Variants in CIB4 observed in about 807,000 individuals in gnomAD.
CIB4 encodes the protein calcium and integrin-binding family member 4.
CIB4 carries 25 observed loss-of-function variants against 25.8 expected under a neutral mutation model. That is an observed-to-expected ratio of 0.97 (90% CI 0.71 to 1.35). The LOEUF (loss-of-function observed/expected upper bound fraction) is 1.35, where lower values mean the gene tolerates loss of function less well. CIB4 is among the 40% of genes most tolerant of loss of function. The probability of loss-of-function intolerance (pLI) is 0.00; values close to 1 mark genes in which losing one functional copy is unlikely to be tolerated. For synonymous variants in CIB4, 75 were observed against 81.4 expected, an observed-to-expected ratio of 0.92 and a Z score of 0.42; for missense variants, 235 against 228.2, an observed-to-expected ratio of 1.03 and a Z score of -0.19.
chr2:26,617,350 T>C (rs1669114412), intron 3 of CIB4, among the ~76,000 whole-genome samples: 1 of 152,176 alleles, frequency 6.6e-6, no homozygotes, highest in South Asian at 2.1e-4. Context: ...CAAACACCCT[T>C]ATTTCCTGTA....
rs1177664447 is a variant in CIB4 at position 26,640,589 on chromosome 2, C to T, written c.55-22G>A. The T allele has an allele frequency of 3.1e-6, 5 of 1,608,776 alleles. No homozygotes were observed. In the Admixed American group the frequency reaches 6.7e-5, roughly 22 times the overall value. ...GGGCCTGCAACAAATCACAGAGAAG[C>T]GACGTGTCCACTCCATTCATCCCTG... is the stretch of plus-strand genomic sequence containing the variant. On this transcript the variant is annotated intron_variant, in intron 1 of 6. Transcript: ENST00000288861.
At chr2:26,619,287 TG>T (rs1669156398) in intron 3 of CIB4, among the ~76,000 whole-genome samples, 1 of 152,118 alleles carries the variant, frequency 6.6e-6, no homozygotes, top group Non-Finnish European at 1.5e-5. Context: ...GCCTGGCTGC[TG>T]GGCGTCCCAG....
At chr2:26,622,737 T>C (rs1245054833) in intron 3 of CIB4, among the ~76,000 whole-genome samples, 29 of 151,948 alleles carry the variant, frequency 1.9e-4, no homozygotes, top group Admixed American at 1.9e-3. Flanking sequence ...AATCCCAGCA[T>C]TTTGGGAGGC....
At chr2:26,601,179 C>T (rs1396024458) in intron 3 of CIB4, among the ~76,000 whole-genome samples, 1 of 145,688 alleles carries the variant, frequency 6.9e-6, no homozygotes, top group Admixed American at 6.9e-5. Context: ...ATGATTGTGC[C>T]ACTGCACTCC....
At chr2:26,592,991 C>T (rs7560683) in intron 4 of CIB4, among the ~76,000 whole-genome samples, 39,151 of 152,114 alleles carry the variant, frequency 0.26, 7,861 homozygotes, top group African/African-American at 0.56. Context: ...CCGGAAGAGA[C>T]TGGCATTTGA....
At chr2:26,632,684 G>A (rs1669444789) in intron 2 of CIB4, among the ~76,000 whole-genome samples, 1 of 151,952 alleles carries the variant, frequency 6.6e-6, no homozygotes, top group Admixed American at 6.6e-5. Flanking sequence ...CTTGAACTCG[G>A]GAGGTAGAGC....
At position 26,627,871 on chromosome 2, in the gene CIB4, C is replaced by T. The variant is rs1457205074; in HGVS notation, c.186+1539G>A. Among the ~76,000 whole-genome samples, 1 of 152,096 alleles carries T rather than the reference C, an allele frequency of 6.6e-6. No homozygotes were observed. Among genetic ancestry groups the T allele is most frequent in the African/African-American group, 2.4e-5 (1 of 41,398 alleles). On this transcript the variant is annotated intron_variant, in intron 3 of 6. Transcript: ENST00000288861. The surrounding 1 kb of genome is among the most constrained non-coding windows in gnomAD (Gnocchi z 4.0). ...GTCTCTGTCTGCCCTACAGATAGGC[C>T]TGTCACTTAGGAGGGGCCGTGCAGC...
At chr2:26,628,231 G>A (rs1426968941) in intron 3 of CIB4, among the ~76,000 whole-genome samples, 1 of 152,212 alleles carries the variant, frequency 6.6e-6, no homozygotes, top group African/African-American at 2.4e-5. Context: ...AGGCTGCCCT[G>A]GGGGAAGGGC....
chr2:26,605,447 T>A, intron 3 of CIB4: 1 of 468,510 alleles, frequency 2.1e-6, no homozygotes, highest in South Asian at 1.6e-5. Flanking sequence ...TGGAAGAGCT[T>A]ATCACCACCC....
intron 2 of CIB4, among the ~76,000 whole-genome samples, chr2:26,630,068 G>A (rs1669387534): frequency 6.6e-6 from 1 of 152,198 alleles, no homozygotes; most frequent in Admixed American, 6.5e-5. Context: ...GCAGATCGTG[G>A]ACTGACTGGT....
chr2:26,626,831 C>T (rs543971430), intron 3 of CIB4, among the ~76,000 whole-genome samples: 9 of 152,212 alleles, frequency 5.9e-5, no homozygotes, highest in African/African-American at 2.2e-4. Context: ...TTGCTGCACC[C>T]CACCCCTAAC....
Position 26,606,502 on chromosome 2 carries a change from C to T in CIB4, c.187-11185G>A, listed in dbSNP as rs139044683. Among the ~76,000 whole-genome samples, 712 of 152,220 alleles carry T rather than the reference C, an allele frequency of 4.7e-3. 2 individuals are homozygous for T. The highest frequency in any genetic ancestry group is 8.3e-3 in the Non-Finnish European group (567 of 68,008). ...GCCAGAGGACTCCCCCCTCCTCCCG[C>T]GCCCCTCAAGCTGTCTCTTTCCCTT... On this transcript the variant is annotated intron_variant, in intron 3 of 6. Coordinates refer to ENST00000288861, the MANE Select transcript of CIB4 (RefSeq NM_001029881.3).
chr2:26,626,764 A>G (rs1391468798), intron 3 of CIB4, among the ~76,000 whole-genome samples: 2 of 152,058 alleles, frequency 1.3e-5, no homozygotes, highest in East Asian at 1.9e-4. Context: ...CACCTAGCCT[A>G]TCTGCTGGGA....
intron 4 of CIB4, among the ~76,000 whole-genome samples, chr2:26,588,390 G>A (rs989551361): frequency 1.3e-5 from 2 of 152,190 alleles, no homozygotes; most frequent in Non-Finnish European, 2.9e-5. Flanking sequence ...TGAGAGCTCC[G>A]GGAGGCTGAC....
At chr2:26,636,257 A>G (rs1297211207) in intron 2 of CIB4, among the ~76,000 whole-genome samples, 1 of 152,212 alleles carries the variant, frequency 6.6e-6, no homozygotes, top group Non-Finnish European at 1.5e-5. Context: ...TGCATTATTC[A>G]AACATTGCTC....
At chr2:26,637,826 G>A (rs1040903901) in intron 2 of CIB4, among the ~76,000 whole-genome samples, 19 of 152,260 alleles carry the variant, frequency 1.2e-4, no homozygotes, top group Middle Eastern at 3.4e-3. Flanking sequence ...ACTCCCCTTG[G>A]TTTAAAGCAG....
At chr2:26,598,031 G>A (rs1234476369) in intron 3 of CIB4, among the ~76,000 whole-genome samples, 3 of 152,086 alleles carry the variant, frequency 2.0e-5, no homozygotes, top group Non-Finnish European at 2.9e-5. Context: ...CGGGCACGGT[G>A]GCTCACGCCT....
In CIB4 at chr2:26,623,163, C is replaced by G. The variant is rs545950757; in HGVS notation, c.186+6247G>C. Among the ~76,000 whole-genome samples the G allele has an allele frequency of 2.1e-4, 32 of 151,800 alleles. No individual in the cohort carries two copies. The South Asian group carries it at 5.8e-3, about 28-fold the overall frequency. ...ATTCAAGACCAACCAGACAACATGA[C>G]AAGACTCCATCTCTATGAAAAACAC... On this transcript the variant is annotated intron_variant, in intron 3 of 6. Transcript: ENST00000288861.
intron 3 of CIB4, among the ~76,000 whole-genome samples, chr2:26,622,813 T>C (rs1669230302): frequency 6.6e-6 from 1 of 151,990 alleles, no homozygotes; most frequent in Admixed American, 6.5e-5. Context: ...AGAAACCCTA[T>C]CTCTACTAAA....
Sources: allele counts gnomAD v4.1 joint callset (sites outside exome capture counted in the v4.1 genomes callset), GRCh38; gene constraint gnomAD v4.1.1; non-coding constraint Gnocchi (gnomAD v3.1); transcripts MANE v1.5; gene names NCBI Gene and HGNC (gene_info 2026-07-23, HGNC 2026-07-21).